Variants in FAR2 observed in about 807,000 individuals in gnomAD.
The protein encoded by FAR2 is epididymis secretory protein Li 81.
Under a neutral mutation model 56.0 loss-of-function variants are expected in FAR2, and 19 were observed. The observed-to-expected ratio is 0.34, with a 90% confidence interval of 0.24 to 0.50. The LOEUF (loss-of-function observed/expected upper bound fraction) is 0.50. FAR2 is among the 20% of genes least tolerant of loss of function. The probability of loss-of-function intolerance (pLI) is 0.98; values close to 1 mark genes in which losing one functional copy is unlikely to be tolerated. For synonymous variants in FAR2, 219 were observed against 218.8 expected, an observed-to-expected ratio of 1.00 and a Z score of -0.01; for missense variants, 508 against 642.2, an observed-to-expected ratio of 0.79 and a Z score of 2.26.
chr12:29,199,002 G>T (rs1947370406), intron 1 of FAR2, among the ~76,000 whole-genome samples: 1 of 152,164 alleles, frequency 6.6e-6, no homozygotes, highest in South Asian at 2.1e-4. Flanking sequence ...TGTACTTAAA[G>T]TCTAAAGGAG....
At chr12:29,312,033 A>C in intron 8 of FAR2, 83 bp downstream of exon 8, 1 of 980,492 alleles carries the variant, frequency 1.0e-6, no homozygotes, top group Non-Finnish European at 1.6e-6. Context: ...TGGAGCTTAG[A>C]GCTTATATGG....
chr12:29,262,421 A>G (rs1412064639), intron 1 of FAR2, among the ~76,000 whole-genome samples: 1 of 152,172 alleles, frequency 6.6e-6, no homozygotes, highest in Non-Finnish European at 1.5e-5. Flanking sequence ...ACCTGAGATC[A>G]GGAGTTCGAG....
chr12:29,207,826 GA>G (rs1555108772), intron 1 of FAR2, among the ~76,000 whole-genome samples: 13 of 152,138 alleles, frequency 8.5e-5, no homozygotes. Flanking sequence ...GACCTTTAAA[GA>G]AAATAAATTT....
chr12:29,228,405 AGTT>A (rs1462976511), intron 1 of FAR2, among the ~76,000 whole-genome samples: 1 of 152,198 alleles, frequency 6.6e-6, no homozygotes, highest in Non-Finnish European at 1.5e-5. Flanking sequence ...ATTTTAAACA[AGTT>A]ATTATTTTAA....
At chr12:29,157,368 T>C (rs1173853386) in intron 1 of FAR2, among the ~76,000 whole-genome samples, 2 of 152,006 alleles carry the variant, frequency 1.3e-5, no homozygotes, top group Admixed American at 6.6e-5. Context: ...GTATCCCCTA[T>C]GGCTTTTGGA....
At chr12:29,277,041 T>C (rs901302029) in intron 2 of FAR2, among the ~76,000 whole-genome samples, 8 of 152,208 alleles carry the variant, frequency 5.3e-5, no homozygotes, top group Admixed American at 5.2e-4. Context: ...GCAGTGGCTC[T>C]ATCTCAGCTC....
chr12:29,321,882 T>TA lies in FAR2; in HGVS notation c.1216dup (p.Thr406AsnfsTer7). 1 of 1,613,774 alleles carries TA rather than the reference T, an allele frequency of 6.2e-7. No individual in the cohort carries two copies. The highest frequency in any genetic ancestry group is 8.5e-7 in the Non-Finnish European group (1 of 1,179,772). On this transcript the variant is annotated frameshift_variant, in exon 10 of 12. Transcript: ENST00000536681. LOFTEE classifies it high-confidence loss of function. ...GGAGTTGGGAATGGAGCACGTACAA[T>TA]ACAGAAATGCTGATGTCTGAGCTGA...
At chr12:29,333,519 G>A (rs1313411927) in intron 11 of FAR2, 113 bp from the exon 12 acceptor site, 3 of 958,920 alleles carry the variant, frequency 3.1e-6, no homozygotes, top group Non-Finnish European at 4.7e-6. Context: ...CAAATACTCT[G>A]AGCACTTCAT....
At position 29,166,589 on chromosome 12, in the gene FAR2, T is replaced by G. The variant is rs537425577; in HGVS notation, c.-39+17182T>G. Reference sequence around the variant, plus strand: ...CATATGTCCTCTCCTTTCCTACTTCTGAGAGTATTCTTAACATTGAAGTCC... The same window carrying G: ...CATATGTCCTCTCCTTTCCTACTTCGGAGAGTATTCTTAACATTGAAGTCC... On this transcript the variant is annotated intron_variant, in intron 1 of 11. Transcript: ENST00000536681. Among the ~76,000 whole-genome samples the G allele has an allele frequency of 8.5e-4, 130 of 152,354 alleles. 2 individuals are homozygous for G. The highest frequency in any genetic ancestry group is 3.1e-3 in the African/African-American group (130 of 41,590).
At chr12:29,290,547 C>G (rs1271534565) in intron 2 of FAR2, among the ~76,000 whole-genome samples, 1 of 152,178 alleles carries the variant, frequency 6.6e-6, no homozygotes, top group African/African-American at 2.4e-5. Context: ...GGTATCTGCA[C>G]TCCCATATTT....
intron 4 of FAR2, among the ~76,000 whole-genome samples, chr12:29,300,151 T>C (rs1949139370): frequency 6.6e-6 from 1 of 152,240 alleles, no homozygotes; most frequent in African/African-American, 2.4e-5. Flanking sequence ...TTGTTTTGAC[T>C]GAAGCAAGAA....
At chr12:29,171,969 C>T (rs1384014392) in intron 1 of FAR2, 4 of 151,754 alleles carry the variant, frequency 2.6e-5, no homozygotes, top group Admixed American at 1.3e-4. Flanking sequence ...TGGCTGCCGC[C>T]CAGTCTGGGA....
At chr12:29,226,017 GTCAA>G (rs1425798394) in intron 1 of FAR2, among the ~76,000 whole-genome samples, 3 of 152,174 alleles carry the variant, frequency 2.0e-5, no homozygotes, top group African/African-American at 7.2e-5. Flanking sequence ...GCAATCAGAT[GTCAA>G]TCAGACTCGT....
At chr12:29,239,076 T>C (rs1947983915) in intron 1 of FAR2, among the ~76,000 whole-genome samples, 1 of 152,176 alleles carries the variant, frequency 6.6e-6, no homozygotes, top group Non-Finnish European at 1.5e-5. Context: ...AGGAGCTTAA[T>C]TGCATCTGTG....
chr12:29,300,351 C>T (rs1178150325), intron 4 of FAR2, among the ~76,000 whole-genome samples: 1 of 152,170 alleles, frequency 6.6e-6, no homozygotes, highest in Non-Finnish European at 1.5e-5. Context: ...CCCTCACCAA[C>T]TATACCATGA....
chr12:29,232,821 G>GCGCACA (rs71444325), intron 1 of FAR2, among the ~76,000 whole-genome samples: 1,948 of 145,932 alleles, frequency 0.013, 29 homozygotes, highest in African/African-American at 0.046. Context: ...ACGCGCTCGC[G>GCGCACA]CACACACACA....
intron 6 of FAR2, among the ~76,000 whole-genome samples, chr12:29,310,478 T>C (rs1455456334): frequency 6.6e-6 from 1 of 152,100 alleles, no homozygotes; most frequent in African/African-American, 2.4e-5. Flanking sequence ...AAAAAGTAAA[T>C]AATAAGGCAA....
intron 1 of FAR2, among the ~76,000 whole-genome samples, chr12:29,259,442 G>A (rs879571816): frequency 3.3e-5 from 5 of 152,174 alleles, no homozygotes; most frequent in Admixed American, 1.3e-4. Flanking sequence ...AGTGGACTAC[G>A]AAGACATTTG....
At chr12:29,262,388 T>C (rs973390204) in intron 1 of FAR2, among the ~76,000 whole-genome samples, 2 of 152,136 alleles carry the variant, frequency 1.3e-5, no homozygotes, top group Non-Finnish European at 2.9e-5. Context: ...CCCAGCACTT[T>C]GAGAGACCCA....
Sources: allele counts gnomAD v4.1 joint callset (sites outside exome capture counted in the v4.1 genomes callset), GRCh38; gene constraint gnomAD v4.1.1; transcripts MANE v1.5; gene names NCBI Gene and HGNC (gene_info 2026-07-23, HGNC 2026-07-21).